The following SUPT3H variants were observed in gnomAD, a reference collection of about 807,000 sequenced individuals.
The protein encoded by SUPT3H is SPT3 homolog, SAGA and STAGA complex component, also known as transcription initiation protein SPT3 homolog.
Under a neutral mutation model 44.3 loss-of-function variants are expected in SUPT3H, and 44 were observed. The observed-to-expected ratio is 0.99, with a 90% CI of 0.78 to 1.28. The LOEUF is 1.28. SUPT3H is among the 50% of genes most tolerant of loss of function. The probability of loss-of-function intolerance (pLI) is 0.00; values close to 1 mark genes in which losing one functional copy is unlikely to be tolerated. For missense variants in SUPT3H, 380 were observed against 387.1 expected (o/e 0.98, Z 0.15); for synonymous variants, 124 against 125.6 (o/e 0.99, Z 0.09).
chr6:45,181,393 G>C (rs2153613346), intron 2 of SUPT3H, among the ~76,000 whole-genome samples: 1 of 151,964 alleles, frequency 6.6e-6, no homozygotes, highest in East Asian at 1.9e-4. Context: ...TATAAATCAT[G>C]CTGCTATAAA....
At chr6:45,048,598 T>C (rs1309933421) in intron 3 of SUPT3H, among the ~76,000 whole-genome samples, 1 of 152,168 alleles carries the variant, frequency 6.6e-6, no homozygotes. Flanking sequence ...ATTACTCCTA[T>C]GTTCACTGCA....
intron 2 of SUPT3H, among the ~76,000 whole-genome samples, chr6:45,163,840 A>C (rs1365977696): frequency 6.6e-6 from 1 of 151,988 alleles, no homozygotes; most frequent in Admixed American, 6.6e-5. Flanking sequence ...CATGCATTTA[A>C]TTACTTACCT....
At chr6:45,361,908 TG>T (rs979009615) in intron 2 of SUPT3H, among the ~76,000 whole-genome samples, 35 of 152,134 alleles carry the variant, frequency 2.3e-4, no homozygotes, top group African/African-American at 7.9e-4. Context: ...AAAATCAGCC[TG>T]GCGTGGTAGC....
At chr6:45,331,751 C>A (rs560956224) in intron 2 of SUPT3H, among the ~76,000 whole-genome samples, 2 of 151,970 alleles carry the variant, frequency 1.3e-5, no homozygotes, top group South Asian at 4.2e-4. Context: ...CAATCCGTCT[C>A]TATATCACAA....
intron 2 of SUPT3H, among the ~76,000 whole-genome samples, chr6:45,140,794 A>G (rs1050584838): frequency 6.6e-6 from 1 of 152,112 alleles, no homozygotes; most frequent in Non-Finnish European, 1.5e-5. Flanking sequence ...CTAGACCCAG[A>G]AGAGCAGTAA....
chr6:44,825,789 CT>C (rs1767701072), downstream of SUPT3H, among the ~76,000 whole-genome samples: 1 of 152,050 alleles, frequency 6.6e-6, no homozygotes, highest in African/African-American at 2.4e-5. Flanking sequence ...TTGCCTCCTT[CT>C]TTTTTTCCTA....
intron 10 of SUPT3H, among the ~76,000 whole-genome samples, chr6:44,880,899 T>A (rs1376058922): frequency 6.6e-6 from 1 of 152,150 alleles, no homozygotes; most frequent in East Asian, 1.9e-4. Context: ...CCACCAGGCC[T>A]ACGTTACAAG....
intron 11 of SUPT3H, among the ~76,000 whole-genome samples, chr6:44,816,128 G>A (rs1214716496): frequency 6.6e-6 from 1 of 152,096 alleles, no homozygotes; most frequent in Non-Finnish European, 1.5e-5. Flanking sequence ...TAAGCCATGA[G>A]TCAAAGAGAA....
At chr6:44,933,108 C>A (rs1214202709) in intron 9 of SUPT3H, among the ~76,000 whole-genome samples, 1 of 148,536 alleles carries the variant, frequency 6.7e-6, no homozygotes, top group Non-Finnish European at 1.5e-5. Flanking sequence ...TTAAAAAAAA[C>A]ATTTTAACAT....
At position 44,920,565 on chromosome 6, in the gene SUPT3H, C is replaced by CAA. The variant is rs5875898; in HGVS notation, c.912+12086_912+12087dup. On this transcript the variant is annotated intron_variant, in intron 10 of 10. Coordinates refer to ENST00000371459, the MANE Select transcript of SUPT3H (RefSeq NM_003599.4). ...TGATAGAATGGGACCTTGTTTCTTT[C>CAA]AAAAAAAAAAAAAAAAAAGACAGAA... Among the ~76,000 whole-genome samples, 639 of 113,464 alleles carry CAA rather than the reference C, an allele frequency of 5.6e-3. 3 individuals carry two copies. Among genetic ancestry groups the CAA allele is most frequent in the African/African-American group, 0.02 (602 of 29,412 alleles). 74.4% of individuals were successfully genotyped at this position (113,464 alleles called of 152,430 possible).
intron 3 of SUPT3H, among the ~76,000 whole-genome samples, chr6:45,088,493 A>G (rs182936060): frequency 3.3e-5 from 5 of 152,168 alleles, no homozygotes; most frequent in African/African-American, 1.2e-4. Flanking sequence ...TATAATGCCT[A>G]TGATGTAGGT....
chr6:45,080,651 T>C (rs1235116565), intron 3 of SUPT3H, among the ~76,000 whole-genome samples: 2 of 152,092 alleles, frequency 1.3e-5, no homozygotes, highest in Middle Eastern at 3.4e-3. Context: ...CTGGAGGTCA[T>C]TAAGTGAAAT....
intron 3 of SUPT3H, among the ~76,000 whole-genome samples, chr6:45,063,360 A>T (rs973898145): frequency 4.6e-4 from 69 of 151,432 alleles, no homozygotes; most frequent in Admixed American, 3.3e-4. Context: ...AAAGATGGGG[A>T]AAAAACAGAA....
chr6:45,289,530 T>C (rs895097211), intron 2 of SUPT3H, among the ~76,000 whole-genome samples: 1 of 152,104 alleles, frequency 6.6e-6, no homozygotes. Context: ...ACATGAAAAG[T>C]TTTTGTCTTA....
intron 10 of SUPT3H, among the ~76,000 whole-genome samples, chr6:44,887,152 C>A (rs1762448595): frequency 6.6e-6 from 1 of 152,134 alleles, no homozygotes; most frequent in African/African-American, 2.4e-5. Context: ...GACTTAGACT[C>A]CCACACAATA....
intron 1 of SUPT3H, among the ~76,000 whole-genome samples, chr6:45,374,708 G>A (rs1454958608): frequency 6.6e-6 from 1 of 152,060 alleles, no homozygotes; most frequent in Non-Finnish European, 1.5e-5. Flanking sequence ...CACCTGATTT[G>A]ACTGACATAG....
chr6:45,309,403 A>G (rs1352956075), intron 2 of SUPT3H, among the ~76,000 whole-genome samples: 1 of 151,970 alleles, frequency 6.6e-6, no homozygotes. Flanking sequence ...AGAACTGATC[A>G]AGCAGAAGAT....
At chr6:45,354,836 C>T (rs1322755587) in intron 2 of SUPT3H, among the ~76,000 whole-genome samples, 1 of 152,094 alleles carries the variant, frequency 6.6e-6, no homozygotes, top group African/African-American at 2.4e-5. Context: ...TATTTATCAA[C>T]ATGGAAAAGT....
At chr6:45,104,219 C>T (rs949932714) in intron 3 of SUPT3H, among the ~76,000 whole-genome samples, 1 of 151,992 alleles carries the variant, frequency 6.6e-6, no homozygotes, top group African/African-American at 2.4e-5. Context: ...TCCTTAAAAG[C>T]ATTTGACTTT....
Sources: allele counts gnomAD v4.1 joint callset (sites outside exome capture counted in the v4.1 genomes callset), GRCh38; gene constraint gnomAD v4.1.1; transcripts MANE v1.5; gene names NCBI Gene and HGNC (gene_info 2026-07-23, HGNC 2026-07-21).